The following ITFG2 variants were observed in gnomAD, a reference collection of about 807,000 sequenced individuals.
The protein encoded by ITFG2 is KICSTOR complex protein ITFG2.
ITFG2 carries 36 observed loss-of-function variants against 54.4 expected under a neutral mutation model. The observed-to-expected ratio is 0.66, with a 90% CI of 0.51 to 0.87. The LOEUF (loss-of-function observed/expected upper bound fraction) is 0.87. ITFG2 is among the 40% of genes least tolerant of loss of function. The probability of loss-of-function intolerance (pLI) is 0.00; values close to 1 mark genes in which losing one functional copy is unlikely to be tolerated. For missense variants in ITFG2, 524 were observed against 576.7 expected (o/e 0.91, Z 0.94); for synonymous variants, 211 against 225.4 (o/e 0.94, Z 0.57).
chr12:2,827,376 T>A, downstream of ITFG2: 3 of 1,539,626 alleles, frequency 1.9e-6, no homozygotes, highest in South Asian at 3.7e-5. The surrounding 1 kb of genome is among the most constrained non-coding windows in gnomAD (Gnocchi z 4.0). Flanking sequence ...TTGTTCCCCC[T>A]CCCACTTCCC....
Position 2,821,319 on chromosome 12 carries a change from C to T in ITFG2, c.753C>T (p.Asn251=), listed in dbSNP as rs1471753134. Residue 251 remains asparagine (N), a synonymous_variant, in exon 7 of 12, where the codon AAC becomes AAT. Coordinates refer to ENST00000228799, the MANE Select transcript of ITFG2 (RefSeq NM_018463.4). The part of the protein sequence containing the change: ...VLHQTSGRIH[N]KNVSTHLIGN... ...ACCAGACATCTGGCCGTATCCACAA[C>T]AAGAATGTCTCCACTCACCTAATTG... 1 of 1,609,962 alleles carries T rather than the reference C, an allele frequency of 6.2e-7. No individual in the cohort carries two copies.
At chr12:2,829,306 T>C (rs566096800), downstream of ITFG2, among the ~76,000 whole-genome samples, 550 of 145,576 alleles carry the variant, frequency 3.8e-3, 4 homozygotes, top group African/African-American at 0.014. Flanking sequence ...CATAGACATT[T>C]TGATATACGC....
chr12:2,827,304 G>A (rs544280200), downstream of ITFG2: 209 of 1,612,708 alleles, frequency 1.3e-4, no homozygotes, highest in South Asian at 1.7e-3. The surrounding 1 kb of genome is among the most constrained non-coding windows in gnomAD (Gnocchi z 4.0). Context: ...GCAGCACTGC[G>A]GGGTGTAGAG....
At chr12:2,842,625 G>A (rs1437929919) in intron 2 of ITFG2, among the ~76,000 whole-genome samples, 8 of 152,008 alleles carry the variant, frequency 5.3e-5, no homozygotes, top group African/African-American at 1.9e-4. Context: ...CCAGCTACTC[G>A]GGAGGCTGAG....
intron 2 of ITFG2, chr12:2,855,514 A>G (rs920831337): frequency 2.4e-6 from 3 of 1,241,114 alleles, no homozygotes; most frequent in African/African-American, 1.5e-5. Flanking sequence ...TGGGTGAGGC[A>G]CTCCGCTCTC....
intron 2 of ITFG2, among the ~76,000 whole-genome samples, chr12:2,852,602 C>T (rs572829568): frequency 3.1e-4 from 47 of 152,162 alleles, no homozygotes; most frequent in Non-Finnish European, 5.9e-4. Context: ...TGGCCTCAAG[C>T]GATCCTCCCA....
chr12:2,830,580 C>T, intron 2 of ITFG2: 2 of 1,021,550 alleles, frequency 2.0e-6, no homozygotes, highest in Non-Finnish European at 2.8e-6. Flanking sequence ...TGGTTAGGTC[C>T]AGGCTAGGGA....
At chr12:2,815,318 G>A (rs577518735) in intron 1 of ITFG2, among the ~76,000 whole-genome samples, 5 of 152,342 alleles carry the variant, frequency 3.3e-5, no homozygotes, top group African/African-American at 4.8e-5. Flanking sequence ...AGCAGTTTGC[G>A]GAAGTGGGGT....
At chr12:2,834,964 A>G (rs368019122), upstream of ITFG2, 11 of 1,586,928 alleles carry the variant, frequency 6.9e-6, no homozygotes, top group African/African-American at 1.4e-5. Context: ...CGGGAGGGAA[A>G]GAGGAAAAAT....
chr12:2,859,305 C>T, intron 3 of ITFG2: 1 of 1,612,964 alleles, frequency 6.2e-7, no homozygotes, highest in South Asian at 1.1e-5. Context: ...CCGAGACCGG[C>T]TCCTCTCCCT....
At chr12:2,855,518 C>T (rs11062386) in intron 2 of ITFG2, 253,049 of 1,207,256 alleles carry the variant, frequency 0.21, 28,471 homozygotes, top group East Asian at 0.41. Flanking sequence ...TGAGGCACTC[C>T]GCTCTCCTTC....
At chr12:2,859,014 G>A (rs1279217207) in intron 3 of ITFG2, 5 of 1,612,434 alleles carry the variant, frequency 3.1e-6, no homozygotes, top group Admixed American at 1.7e-5. Flanking sequence ...GGTTTGTACT[G>A]GGCTGAAATC....
chr12:2,842,215 G>A (rs1470754252), intron 2 of ITFG2, among the ~76,000 whole-genome samples: 1 of 136,494 alleles, frequency 7.3e-6, no homozygotes, highest in Non-Finnish European at 1.5e-5. Flanking sequence ...TCTGCCTCCT[G>A]GGTTCAAGGG....
chr12:2,848,877 G>GCACACACACACACACA (rs3056877), intron 2 of ITFG2, among the ~76,000 whole-genome samples: 7 of 140,272 alleles, frequency 5.0e-5, no homozygotes, highest in South Asian at 2.3e-4. Flanking sequence ...ACACACACAC[G>GCACACACACACACACA]CACACACACA....
At chr12:2,844,409 C>T (rs551176821) in intron 2 of ITFG2, among the ~76,000 whole-genome samples, 1 of 152,146 alleles carries the variant, frequency 6.6e-6, no homozygotes, top group Non-Finnish European at 1.5e-5. Context: ...CAAAAATTAG[C>T]TGAGCATAGC....
At position 2,858,703 on chromosome 12, in the gene ITFG2, G is replaced by A. The variant is rs538863688; in HGVS notation, n.620+372G>A. On this transcript the variant is annotated intron_variant and non_coding_transcript_variant, in intron 3 of 3. Coordinates refer to the ITFG2 transcript ENST00000537710. ...TCAGGGCCCAGTGGGTCCTCGTCCA[G>A]GCCAGGAAAGCTGATGTCCAGCAGG... The A allele has an allele frequency of 3.4e-5, 55 of 1,614,188 alleles. No homozygotes were observed. The South Asian group carries it at 5.2e-4, about 15-fold the overall frequency.
At chr12:2,832,824 T>C (rs1237917554), upstream of ITFG2, among the ~76,000 whole-genome samples, 2 of 150,372 alleles carry the variant, frequency 1.3e-5, no homozygotes, top group Non-Finnish European at 2.9e-5. Flanking sequence ...CTGCCCTCTC[T>C]CCTTGGGATC....
rs2098051816 is a variant in ITFG2 at position 2,845,734 on chromosome 12, G to C, written n.300+4739G>C. On this transcript the variant is annotated intron_variant and non_coding_transcript_variant, in intron 2 of 3. Coordinates refer to the ITFG2 transcript ENST00000537710. This position sits in a 1 kb window ranked among gnomAD's most constrained non-coding sequence, Gnocchi z 4.2. ...AAGAGTGGATCTTTAGGCAGATACA[G>C]ATACAGAGATTCCCCCCACCCCACC... Among the ~76,000 whole-genome samples the C allele has an allele frequency of 1.3e-5, 2 of 152,144 alleles. No homozygotes were observed.
In ITFG2 at chr12:2,859,248, A is replaced by G. The variant is rs759543718; in HGVS notation, n.621-286A>G. On this transcript the variant is annotated intron_variant and non_coding_transcript_variant, in intron 3 of 3. Coordinates refer to the ITFG2 transcript ENST00000537710. The stretch of plus-strand genomic sequence containing the variant: ...GGAAGTACTGGGCCCCTCTGAGAAG[A>G]GCAGCTCCGGCTCATCCACACAGGG... The G allele has an allele frequency of 2.5e-6, 4 of 1,613,578 alleles. No individual in the cohort carries two copies. In the African/African-American group the frequency reaches 4.0e-5, roughly 16 times the overall value.
Sources: gnomAD v4.1 joint callset for allele counts (sites outside exome capture counted in the v4.1 genomes callset) on GRCh38, gnomAD v4.1.1 for gene constraint, Gnocchi (gnomAD v3.1) non-coding constraint, MANE v1.5 for transcripts, NCBI Gene and HGNC (gene_info 2026-07-23, HGNC 2026-07-21) for gene names.